Variants in TTC39C observed in about 807,000 individuals in gnomAD.
The protein encoded by TTC39C is tetratricopeptide repeat protein 39C.
Under a neutral mutation model 76.3 loss-of-function variants are expected in TTC39C, and 33 were observed. The ratio of observed to expected loss-of-function variants is 0.43; its 90% CI spans 0.33 to 0.58. The LOEUF is 0.58. TTC39C is among the 20% of genes least tolerant of loss of function. TTC39C has a pLI of 0.04. For missense variants in TTC39C, 595 were observed against 701.4 expected (o/e 0.85, Z 1.71); for synonymous variants, 254 against 260.6 (o/e 0.97, Z 0.24).
At chr18:24,043,526 G>T (rs1405296273) in intron 1 of TTC39C, among the ~76,000 whole-genome samples, 1 of 152,194 alleles carries the variant, frequency 6.6e-6, no homozygotes, top group South Asian at 2.1e-4. Flanking sequence ...CATGAACCAG[G>T]TTGGAGACAC....
chr18:24,031,085 T>A (rs2083663458), intron 1 of TTC39C, among the ~76,000 whole-genome samples: 1 of 151,572 alleles, frequency 6.6e-6, no homozygotes, highest in Admixed American at 6.6e-5. Flanking sequence ...TAGCTGGGAC[T>A]ACAGGCATAT....
intron 1 of TTC39C, among the ~76,000 whole-genome samples, chr18:24,051,782 G>T (rs1211032718): frequency 6.6e-6 from 1 of 152,244 alleles, no homozygotes; most frequent in Non-Finnish European, 1.5e-5. Context: ...TTCAGGTGAT[G>T]AAGGTCTTCT....
intron 1 of TTC39C, 83 bp downstream of exon 1, chr18:24,015,121 A>AG (rs2083437134): frequency 7.8e-7 from 1 of 1,273,984 alleles, no homozygotes; most frequent in Admixed American, 3.8e-5. Flanking sequence ...GGCCCCCGGG[A>AG]GCCCCCTCCC....
intron 6 of TTC39C, among the ~76,000 whole-genome samples, chr18:24,085,798 A>G (rs943521269): frequency 6.6e-6 from 1 of 152,238 alleles, no homozygotes; most frequent in Non-Finnish European, 1.5e-5. Flanking sequence ...AGTGAGCTGT[A>G]GCTTTAGGGC....
chr18:24,032,174 CAGT>C (rs1188080781), intron 1 of TTC39C, among the ~76,000 whole-genome samples: 1 of 152,152 alleles, frequency 6.6e-6, no homozygotes, highest in Non-Finnish European at 1.5e-5. Flanking sequence ...GATTTCAGCC[CAGT>C]GACACTGATG....
intron 6 of TTC39C, among the ~76,000 whole-genome samples, chr18:24,103,775 T>A (rs1470256793): frequency 7.2e-6 from 1 of 138,604 alleles, no homozygotes; most frequent in Non-Finnish European, 1.5e-5. Context: ...TCATCCTGAC[T>A]CCCTGCTTTT....
At chr18:24,126,846 A>G (rs781350051) in intron 10 of TTC39C, among the ~76,000 whole-genome samples, 2 of 152,104 alleles carry the variant, frequency 1.3e-5, no homozygotes, top group Non-Finnish European at 2.9e-5. Context: ...TGCATAATTC[A>G]AAACCCCTCC....
chr18:23,999,990 G>A (rs2083300056), intron 1 of TTC39C, among the ~76,000 whole-genome samples: 1 of 152,214 alleles, frequency 6.6e-6, no homozygotes, highest in Admixed American at 6.5e-5. Context: ...TGGGCTTATA[G>A]TGCAAGCAAT....
intron 1 of TTC39C, among the ~76,000 whole-genome samples, chr18:24,061,797 G>A (rs146797384): frequency 5.9e-5 from 9 of 152,162 alleles, no homozygotes; most frequent in South Asian, 2.1e-4. Context: ...CCAGCTACTC[G>A]GGAGGCTGAG....
At chr18:24,027,711 C>T (rs573114374) in intron 1 of TTC39C, among the ~76,000 whole-genome samples, 2 of 152,148 alleles carry the variant, frequency 1.3e-5, no homozygotes, top group East Asian at 3.9e-4. Flanking sequence ...GGGCCTGTGC[C>T]ACCACACCCG....
At chr18:24,099,245 G>C (rs1335524500) in intron 6 of TTC39C, 1 of 151,746 alleles carries the variant, frequency 6.6e-6, no homozygotes, top group Non-Finnish European at 1.5e-5. Context: ...ATGAGATCCA[G>C]GTGCCAGAAG....
chr18:24,046,399 G>A (rs1389164069), intron 1 of TTC39C, among the ~76,000 whole-genome samples: 5 of 151,838 alleles, frequency 3.3e-5, no homozygotes, highest in African/African-American at 4.9e-5. Context: ...ACATAAGGCA[G>A]TATAATTACA....
chr18:24,003,872 C>G (rs146167268), intron 1 of TTC39C, among the ~76,000 whole-genome samples: 1 of 152,254 alleles, frequency 6.6e-6, no homozygotes, highest in Non-Finnish European at 1.5e-5. Context: ...CTTAGCTTCC[C>G]AAGTAGCTAG....
At chr18:24,107,181 G>T (rs1308779082) in intron 6 of TTC39C, among the ~76,000 whole-genome samples, 1 of 152,132 alleles carries the variant, frequency 6.6e-6, no homozygotes, top group African/African-American at 2.4e-5. Context: ...TGAATATTAA[G>T]TACTCATGTA....
At chr18:24,063,793 C>T (rs1050980520) in intron 1 of TTC39C, among the ~76,000 whole-genome samples, 3 of 152,110 alleles carry the variant, frequency 2.0e-5, no homozygotes, top group Admixed American at 1.3e-4. Flanking sequence ...GGATTACAGA[C>T]GTGAGCCACC....
intron 1 of TTC39C, among the ~76,000 whole-genome samples, chr18:24,051,925 A>G (rs1053091647): frequency 6.6e-6 from 1 of 152,210 alleles, no homozygotes; most frequent in Non-Finnish European, 1.5e-5. Context: ...ATTCTGTCCT[A>G]GGTGGTCAGG....
At chr18:24,020,901 T>C (rs1225284180) in intron 1 of TTC39C, among the ~76,000 whole-genome samples, 1 of 152,186 alleles carries the variant, frequency 6.6e-6, no homozygotes, top group African/African-American at 2.4e-5. Flanking sequence ...TGAGGATTTT[T>C]TTTTTAAAGG....
chr18:24,090,227 A>G (rs1326493309), intron 6 of TTC39C, among the ~76,000 whole-genome samples: 1 of 152,180 alleles, frequency 6.6e-6, no homozygotes, highest in Non-Finnish European at 1.5e-5. Context: ...TTCAGTATAT[A>G]TATTTTTAGC....
At chr18:24,052,111 T>C (rs1203876259) in intron 1 of TTC39C, among the ~76,000 whole-genome samples, 6 of 152,138 alleles carry the variant, frequency 3.9e-5, no homozygotes, top group Non-Finnish European at 8.8e-5. Flanking sequence ...GAAGAGAAGA[T>C]CAAAGATGGC....
Sources: allele counts gnomAD v4.1 joint callset (sites outside exome capture counted in the v4.1 genomes callset), GRCh38; gene constraint gnomAD v4.1.1; transcripts MANE v1.5; gene names NCBI Gene and HGNC (gene_info 2026-07-23, HGNC 2026-07-21).